The following TMEM154 variants were observed in gnomAD, a reference collection of about 807,000 sequenced individuals.
TMEM154 encodes the protein transmembrane protein 154.
Under a neutral mutation model 24.5 loss-of-function variants are expected in TMEM154, and 27 were observed. That is an observed-to-expected ratio of 1.10 (90% CI 0.81 to 1.52). TMEM154 has a LOEUF of 1.52. Ranked by LOEUF, TMEM154 falls within the 40% of genes most tolerant of loss-of-function variation. TMEM154 has a pLI of 0.00. For missense variants in TMEM154, 228 were observed against 213.4 expected (o/e 1.07, Z -0.43); for synonymous variants, 67 against 76.8 (o/e 0.87, Z 0.67).
At chr4:152,647,929 T>G (rs1385916781) in intron 3 of TMEM154, among the ~76,000 whole-genome samples, 2 of 152,166 alleles carry the variant, frequency 1.3e-5, no homozygotes, top group African/African-American at 4.8e-5. Context: ...GTGTGTGGTT[T>G]GAGTCTGGAC....
intron 1 of TMEM154, among the ~76,000 whole-genome samples, chr4:152,661,285 T>TCTCTCTCTCC: frequency 6.0e-5 from 1 of 16,716 alleles, no homozygotes; most frequent in African/African-American, 2.0e-4. Flanking sequence ...TTGTTCTCTT[T>TCTCTCTCTCC]CTCTCTCTCT....
chr4:152,661,908 CAAGTAT>C (rs577923308), intron 1 of TMEM154, among the ~76,000 whole-genome samples: 73 of 152,322 alleles, frequency 4.8e-4, no homozygotes, highest in African/African-American at 1.5e-3. Flanking sequence ...TATGCATATA[CAAGTAT>C]AAGTATTGTT....
intron 3 of TMEM154, among the ~76,000 whole-genome samples, chr4:152,650,276 G>A (rs1224787056): frequency 2.0e-5 from 3 of 151,904 alleles, no homozygotes; most frequent in Admixed American, 1.3e-4. Flanking sequence ...AAAACCTGCC[G>A]CTGCTCTACC....
chr4:152,640,887 C>A, intron 6 of TMEM154, 41 bp downstream of exon 6: 1 of 1,266,466 alleles, frequency 7.9e-7, no homozygotes, highest in South Asian at 1.2e-5. Flanking sequence ...CCCCCCGCCC[C>A]CCGCCATATA....
chr4:152,628,430 T>C lies in TMEM154; in HGVS notation c.*116A>G. On this transcript the variant is annotated 3_prime_UTR_variant, in exon 7 of 7. Transcript: ENST00000304385. The stretch of plus-strand genomic sequence containing the variant: ...GTTGGAAGAAACAGCAAAAGGTTCT[T>C]GTGTCTATGTTGATTTGAAATTAAT... 2 of 1,522,642 alleles carry C rather than the reference T, an allele frequency of 1.3e-6. No individual in the cohort carries two copies. The highest frequency in any genetic ancestry group is 1.8e-6 in the Non-Finnish European group (2 of 1,109,994). 94.3% of individuals were successfully genotyped at this position (1,522,642 alleles called of 1,614,324 possible). A position where few individuals can be genotyped will look rare whatever the true frequency, so the allele number is the denominator to read the frequency against.
chr4:152,643,406 G>A (rs1479399225), intron 4 of TMEM154, among the ~76,000 whole-genome samples: 4 of 152,206 alleles, frequency 2.6e-5, no homozygotes, highest in Admixed American at 2.6e-4. Context: ...GTGCCCACAG[G>A]CCCAACAAGT....
In TMEM154 at chr4:152,619,210, C is replaced by G. The variant is rs1321423607; in HGVS notation, c.*9336G>C. 3 of 152,162 alleles carry G rather than the reference C, an allele frequency of 2.0e-5. No homozygotes were observed. The highest frequency in any genetic ancestry group is 2.9e-5 in the Non-Finnish European group (2 of 68,036). The allele number at this position is 152,162 out of a possible 1,614,324, so 9.4% of individuals were successfully genotyped here. A position where few individuals can be genotyped will look rare whatever the true frequency, so the allele number is the denominator to read the frequency against. ...ACCCATTCAGTCCCATGGCTCATGA[C>G]TCATGTAGTTGGTAAAACTAGTTCT... On this transcript the variant is annotated 3_prime_UTR_variant, in exon 7 of 7. Transcript: ENST00000304385.
chr4:152,666,874 C>T (rs7670831), intron 1 of TMEM154: 19,554 of 152,126 alleles, frequency 0.13, 2,011 homozygotes, highest in African/African-American at 0.28. Context: ...CAGACAGTGG[C>T]GCTGGGACAC....
At chr4:152,645,225 A>G (rs111782427) in intron 3 of TMEM154, among the ~76,000 whole-genome samples, 2 of 152,132 alleles carry the variant, frequency 1.3e-5, no homozygotes, top group Non-Finnish European at 2.9e-5. Flanking sequence ...TGAGCCAGCT[A>G]CCACAGTACC....
chr4:152,649,461 A>T (rs1268298599), intron 3 of TMEM154, among the ~76,000 whole-genome samples: 1 of 152,170 alleles, frequency 6.6e-6, no homozygotes, highest in Admixed American at 6.5e-5. Flanking sequence ...TTTCGGATTG[A>T]TGTTAGTAAT....
Position 152,628,418 on chromosome 4 carries a change from G to T in TMEM154, c.*128C>A. ...GGAAGAGTGGGCGTTGGAAGAAACA[G>T]CAAAAGGTTCTTGTGTCTATGTTGA... On this transcript the variant is annotated 3_prime_UTR_variant, in exon 7 of 7. Coordinates refer to ENST00000304385, the MANE Select transcript of TMEM154 (RefSeq NM_152680.3). The T allele has an allele frequency of 6.8e-7, 1 of 1,471,282 alleles. No individual in the cohort carries two copies. The highest frequency in any genetic ancestry group is 9.4e-7 in the Non-Finnish European group (1 of 1,067,666). The allele number at this position is 1,471,282 out of a possible 1,614,324, so 91.1% of individuals were successfully genotyped here.
In TMEM154 at chr4:152,626,553, A is replaced by G. The variant is rs1751924600; in HGVS notation, c.*1993T>C. The G allele has an allele frequency of 6.6e-6, 1 of 152,236 alleles. No homozygotes were observed. Among genetic ancestry groups the G allele is most frequent in the African/African-American group, 2.4e-5 (1 of 41,460 alleles). The allele number at this position is 152,236 out of a possible 1,614,324, so 9.4% of individuals were successfully genotyped here. On this transcript the variant is annotated 3_prime_UTR_variant, in exon 7 of 7. Coordinates refer to ENST00000304385, the MANE Select transcript of TMEM154 (RefSeq NM_152680.3). Reference sequence around the variant, plus strand: ...AGCTTTACCAAATAAAAACTCAATGACATGTCGCTGAAATTTGCTTCTTCT... The same window carrying G: ...AGCTTTACCAAATAAAAACTCAATGGCATGTCGCTGAAATTTGCTTCTTCT...
rs1462185812 is a variant in TMEM154 at position 152,618,893 on chromosome 4, G to C, written c.*9653C>G. 6.6e-6 allele frequency: 1 copy of C among 152,194 alleles called. No individual in the cohort carries two copies. Among genetic ancestry groups the C allele is most frequent in the East Asian group, 1.9e-4 (1 of 5,206 alleles). The allele number at this position is 152,194 out of a possible 1,614,324, so 9.4% of individuals were successfully genotyped here. On this transcript the variant is annotated 3_prime_UTR_variant, in exon 7 of 7. Transcript: ENST00000304385. The stretch of plus-strand genomic sequence containing the variant: ...AGTGAGGAAAATGCAATTAAACCAG[G>C]AAACTTGGGAGAAAATGGTGATGGA...
intron 1 of TMEM154, among the ~76,000 whole-genome samples, chr4:152,671,475 C>T (rs1420129129): frequency 4.6e-5 from 7 of 152,156 alleles, no homozygotes; most frequent in Non-Finnish European, 5.9e-5. Context: ...AGGCCGGGCG[C>T]GGTGGCTCAC....
At chr4:152,662,720 G>A (rs1382386720) in intron 1 of TMEM154, among the ~76,000 whole-genome samples, 1 of 152,174 alleles carries the variant, frequency 6.6e-6, no homozygotes, top group Non-Finnish European at 1.5e-5. Flanking sequence ...ACTGACTAAG[G>A]CCCATAATCG....
At chr4:152,640,502 A>T (rs1752234966) in intron 6 of TMEM154, among the ~76,000 whole-genome samples, 1 of 152,188 alleles carries the variant, frequency 6.6e-6, no homozygotes, top group Non-Finnish European at 1.5e-5. Context: ...AAAATGGAAC[A>T]TTTTTTAAAA....
intron 1 of TMEM154, among the ~76,000 whole-genome samples, chr4:152,676,463 A>T (rs78459973): frequency 0.032 from 4,829 of 152,288 alleles, 258 homozygotes; most frequent in African/African-American, 0.11. Context: ...TAGCTGTGTG[A>T]CCTTGGGCAA....
At position 152,621,800 on chromosome 4, in the gene TMEM154, T is replaced by A. The variant is rs1751847418; in HGVS notation, c.*6746A>T. Reference sequence around the variant, plus strand: ...GGAAAAAAAGAGGTTTTCTTGTGGATTTTTCCATTTTTACTAGAATTTTTT... The same window carrying A: ...GGAAAAAAAGAGGTTTTCTTGTGGAATTTTCCATTTTTACTAGAATTTTTT... On this transcript the variant is annotated 3_prime_UTR_variant, in exon 7 of 7. Coordinates refer to ENST00000304385, the MANE Select transcript of TMEM154 (RefSeq NM_152680.3). 1 of 152,088 alleles carries A rather than the reference T, an allele frequency of 6.6e-6. No individual in the cohort carries two copies. The highest frequency in any genetic ancestry group is 2.1e-4 in the South Asian group (1 of 4,828). 9.4% of individuals were successfully genotyped at this position (152,088 alleles called of 1,614,324 possible).
In TMEM154 at chr4:152,632,350, A is replaced by T. The variant is rs561910983; in HGVS notation, c.537-3789T>A. 5.3e-4 allele frequency among the ~76,000 whole-genome samples: 80 copies of T among 152,284 alleles called. 1 individual carries two copies. Among genetic ancestry groups the T allele is most frequent in the East Asian group, 1.9e-3 (10 of 5,184 alleles). On this transcript the variant is annotated intron_variant, in intron 6 of 6. Coordinates refer to ENST00000304385, the MANE Select transcript of TMEM154 (RefSeq NM_152680.3). ...ATAATGCACTTGCTATGAAATGTTA[A>T]TTCTAGTTTGATTCCAAGTGTACAC...
Sources: allele counts gnomAD v4.1 joint callset (sites outside exome capture counted in the v4.1 genomes callset), GRCh38; gene constraint gnomAD v4.1.1; transcripts MANE v1.5; gene names NCBI Gene and HGNC (gene_info 2026-07-23, HGNC 2026-07-21).